Variants in ARID2 observed in about 807,000 individuals in gnomAD.
ARID2 encodes AT-rich interactive domain-containing protein 2.
Under a neutral mutation model 184.6 loss-of-function variants are expected in ARID2, and 32 were observed. The ratio of observed to expected loss-of-function variants is 0.17; its 90% CI spans 0.13 to 0.23. The LOEUF (loss-of-function observed/expected upper bound fraction) is 0.23, where lower values mean the gene tolerates loss of function less well. ARID2 is among the 10% of genes least tolerant of loss of function. The pLI is 1.00. For synonymous variants in ARID2, 836 were observed against 772.6 expected (o/e 1.08, Z -1.36); for missense variants, 1,696 against 2,197.6 (o/e 0.77, Z 4.56).
At chr12:45,785,677 A>G (rs1261880083) in intron 3 of ARID2, among the ~76,000 whole-genome samples, 1 of 152,226 alleles carries the variant, frequency 6.6e-6, no homozygotes, top group African/African-American at 2.4e-5. Flanking sequence ...TTTTCAGATT[A>G]GAGAAGCTCA....
intron 11 of ARID2, among the ~76,000 whole-genome samples, chr12:45,845,268 T>C (rs1213471931): frequency 2.0e-5 from 3 of 152,216 alleles, no homozygotes; most frequent in Non-Finnish European, 4.4e-5. Flanking sequence ...GGAAGATTTC[T>C]ACACAGTTTC....
Position 45,860,874 on chromosome 12 carries a change from G to A in ARID2, c.4847G>A (p.Ser1616Asn), listed in dbSNP as rs2138192415. 1 of 1,606,962 alleles carries A rather than the reference G, an allele frequency of 6.2e-7. No homozygotes were observed. The highest frequency in any genetic ancestry group is 8.5e-7 in the Non-Finnish European group (1 of 1,176,566). Residue 1616 changes from serine (S) to asparagine (N), a missense_variant, in exon 16 of 21, where the codon AGT becomes AAT. Ser to Asn is a conservative substitution (Grantham distance 46). Coordinates refer to ENST00000334344, the MANE Select transcript of ARID2 (RefSeq NM_152641.4). ...AACAGTTCTCAGCCTTCTCCATTCA[G>A]TGGATCCAGTCAGCCTGGAGATCCA... is the stretch of plus-strand genomic sequence containing the variant. ...QPNSSQPSPF[S>N]GSSQPGDPMR...
chr12:45,736,051 G>A (rs563024042), intron 3 of ARID2, among the ~76,000 whole-genome samples: 22 of 152,210 alleles, frequency 1.4e-4, no homozygotes, highest in African/African-American at 4.1e-4. Flanking sequence ...AATCTATAAC[G>A]TCTTTGATAG....
chr12:45,777,481 G>A (rs1314394202), intron 3 of ARID2, among the ~76,000 whole-genome samples: 1 of 151,978 alleles, frequency 6.6e-6, no homozygotes, highest in Non-Finnish European at 1.5e-5. Context: ...ATTATCTATA[G>A]CTTGCAAATC....
chr12:45,799,018 A>G (rs892362907), intron 3 of ARID2, among the ~76,000 whole-genome samples: 2 of 151,962 alleles, frequency 1.3e-5, no homozygotes, highest in African/African-American at 4.8e-5. Context: ...AAAATATACA[A>G]GAAGTAAGTT....
At chr12:45,870,570 A>G (rs1943910911) in intron 16 of ARID2, among the ~76,000 whole-genome samples, 1 of 152,164 alleles carries the variant, frequency 6.6e-6, no homozygotes, top group Non-Finnish European at 1.5e-5. Context: ...TACCTTCACT[A>G]CACTAAAAAT....
chr12:45,777,576 A>T (rs1434795164), intron 3 of ARID2, among the ~76,000 whole-genome samples: 3 of 151,942 alleles, frequency 2.0e-5, no homozygotes, highest in African/African-American at 7.2e-5. Flanking sequence ...TCTCCGTGTA[A>T]GTCAAATTTT....
chr12:45,842,295 G>GTGTATATATATACACACATGTATA (rs542026327), intron 11 of ARID2: 24 of 148,946 alleles, frequency 1.6e-4, no homozygotes, highest in South Asian at 6.3e-4. Context: ...ACATATGTGT[G>GTGTATATATATACACACATGTATA]TGTATATATA....
At chr12:45,754,354 A>C (rs1055322933) in intron 3 of ARID2, among the ~76,000 whole-genome samples, 3 of 152,226 alleles carry the variant, frequency 2.0e-5, no homozygotes, top group Non-Finnish European at 4.4e-5. Flanking sequence ...ATACCCTTGC[A>C]CATCTTTTGA....
At position 45,837,209 on chromosome 12, in the gene ARID2, C is replaced by T. The variant is rs993064212; in HGVS notation, c.1024-112C>T. On this transcript the variant is annotated intron_variant, in intron 8 of 20. Transcript: ENST00000334344. ...TCAGAAATGGCTATTTTTACAATAA[C>T]ATTTTTTAACGTTATGCAACATTGT... The T allele has an allele frequency of 2.6e-6, 3 of 1,172,912 alleles. No individual in the cohort carries two copies. The African/African-American group carries it at 4.7e-5, about 18-fold the overall frequency. 72.7% of individuals were successfully genotyped at this position (1,172,912 alleles called of 1,614,324 possible). A position where few individuals can be genotyped will look rare whatever the true frequency, so the allele number is the denominator to read the frequency against.
intron 3 of ARID2, among the ~76,000 whole-genome samples, chr12:45,791,432 C>T (rs1461101467): frequency 6.6e-6 from 1 of 152,014 alleles, no homozygotes; most frequent in Non-Finnish European, 1.5e-5. Context: ...AAGTTTTATC[C>T]TTAATATATC....
intron 3 of ARID2, among the ~76,000 whole-genome samples, chr12:45,783,142 A>T (rs1044817820): frequency 6.6e-6 from 1 of 151,998 alleles, no homozygotes; most frequent in African/African-American, 2.4e-5. Flanking sequence ...TCCAAAAAAA[A>T]AAGTGAAAAA....
Position 45,850,338 on chromosome 12 carries a change from C to T in ARID2, c.2215C>T (p.Pro739Ser), listed in dbSNP as rs1943523295. ...PVSIAVGGGP[P>S]QSSVVQNHST... ...TAGTATTGCTGTTGGAGGAGGACCT[C>T]CACAGAGTTCTGTTGTTCAGAATCA... is the stretch of plus-strand genomic sequence containing the variant. The change falls in exon 15 of 21, where the codon CCA becomes TCA. Residue 739 changes from proline to serine, a missense_variant. Pro to Ser is a moderately conservative substitution (Grantham distance 74). Transcript: ENST00000334344. The T allele has an allele frequency of 1.2e-6, 2 of 1,614,004 alleles. No individual in the cohort carries two copies. The highest frequency in any genetic ancestry group is 2.2e-5 in the East Asian group (1 of 44,886).
chr12:45,815,330 T>C (rs1323802457), intron 4 of ARID2, among the ~76,000 whole-genome samples: 1 of 152,232 alleles, frequency 6.6e-6, no homozygotes, highest in Non-Finnish European at 1.5e-5. Flanking sequence ...ATGTTACTTA[T>C]GAGAAATTTC....
chr12:45,761,226 C>G (rs1335721051), intron 3 of ARID2, among the ~76,000 whole-genome samples: 1 of 152,174 alleles, frequency 6.6e-6, no homozygotes. Flanking sequence ...CACTGCACCC[C>G]TACTTTCTTG....
intron 16 of ARID2, among the ~76,000 whole-genome samples, chr12:45,864,831 T>C (rs941715411): frequency 1.3e-5 from 2 of 152,218 alleles, no homozygotes; most frequent in Non-Finnish European, 2.9e-5. Context: ...TCATTTGCCT[T>C]CTTTGAGGAA....
At chr12:45,768,678 G>T (rs1314122987) in intron 3 of ARID2, among the ~76,000 whole-genome samples, 1 of 152,150 alleles carries the variant, frequency 6.6e-6, no homozygotes, top group African/African-American at 2.4e-5. Flanking sequence ...CTGTAGAAGG[G>T]CTAGTTTGCT....
chr12:45,814,172 A>G (rs1942763157), intron 4 of ARID2, among the ~76,000 whole-genome samples: 1 of 152,186 alleles, frequency 6.6e-6, no homozygotes, highest in Admixed American at 6.5e-5. Flanking sequence ...CTAACAAGAC[A>G]TTTGGACTAC....
chr12:45,790,972 A>G (rs1383162789), intron 3 of ARID2, among the ~76,000 whole-genome samples: 2 of 152,132 alleles, frequency 1.3e-5, no homozygotes, highest in African/African-American at 4.8e-5. Flanking sequence ...CCTTTTGACT[A>G]TTGTGAATAA....
Sources: allele counts gnomAD v4.1 joint callset (sites outside exome capture counted in the v4.1 genomes callset), GRCh38; gene constraint gnomAD v4.1.1; transcripts MANE v1.5; gene names NCBI Gene and HGNC (gene_info 2026-07-23, HGNC 2026-07-21).